The following TMED3 variants were observed in gnomAD, a reference collection of about 807,000 sequenced individuals.
The protein encoded by TMED3 is transmembrane p24 trafficking protein 3.
In TMED3, 9 loss-of-function variants were observed where a neutral mutation model predicts 15.0. The observed-to-expected ratio is 0.60, with a 90% CI of 0.36 to 1.04. The LOEUF is 1.04. Ranked by LOEUF, TMED3 falls within the 50% of genes least tolerant of loss-of-function variation. The pLI is 0.01. For missense variants in TMED3, 267 were observed against 278.9 expected, an observed-to-expected ratio of 0.96 and a Z score of 0.30; for synonymous variants, 117 against 121.4, an observed-to-expected ratio of 0.96 and a Z score of 0.24.
chr15:79,394,945 T>C (rs1021395270), intron 2 of TMED3, among the ~76,000 whole-genome samples: 2 of 152,236 alleles, frequency 1.3e-5, no homozygotes, highest in Non-Finnish European at 1.5e-5. Flanking sequence ...ATACTTTTGA[T>C]ACATGTTATT....
chr15:79,402,630 A>G (rs1284444535), intron 2 of TMED3, among the ~76,000 whole-genome samples: 2 of 151,984 alleles, frequency 1.3e-5, no homozygotes, highest in Non-Finnish European at 2.9e-5. Context: ...CTACAAAAAA[A>G]GAAAAAATTA....
At chr15:79,336,426 G>A (rs538509884) in intron 2 of TMED3, among the ~76,000 whole-genome samples, 6 of 152,318 alleles carry the variant, frequency 3.9e-5, no homozygotes, top group African/African-American at 1.2e-4. Context: ...GGGAGGCCGA[G>A]GTGGGTGGAT....
At chr15:79,335,690 G>T (rs1330628544) in intron 2 of TMED3, among the ~76,000 whole-genome samples, 4 of 152,122 alleles carry the variant, frequency 2.6e-5, no homozygotes, top group East Asian at 1.9e-4. Flanking sequence ...AGACAACTAT[G>T]AACAATCTAG....
At chr15:79,352,920 AAT>A (rs1303959371) in intron 2 of TMED3, among the ~76,000 whole-genome samples, 79 of 100,664 alleles carry the variant, frequency 7.8e-4, no homozygotes, top group African/African-American at 2.9e-3. Context: ...ATATATATAA[AAT>A]ATATATAATA....
At chr15:79,376,240 A>G (rs1174781966) in intron 2 of TMED3, among the ~76,000 whole-genome samples, 6 of 152,158 alleles carry the variant, frequency 3.9e-5, no homozygotes, top group African/African-American at 1.2e-4. Context: ...AAGTTAAAGT[A>G]TAACACTCTG....
At chr15:79,352,839 TATATATAAAATATAC>T (rs1375716028) in intron 2 of TMED3, among the ~76,000 whole-genome samples, 109 of 130,000 alleles carry the variant, frequency 8.4e-4, no homozygotes, top group Non-Finnish European at 1.2e-3. Context: ...TTTATATATA[TATATATAAAATATAC>T]ATATAAAATA....
intron 2 of TMED3, among the ~76,000 whole-genome samples, chr15:79,349,513 T>TA (rs757541356): frequency 3.9e-5 from 6 of 152,032 alleles, no homozygotes; most frequent in Admixed American, 1.3e-4. Context: ...CATTATGCAG[T>TA]AAAAAAACAA....
chr15:79,383,465 A>G (rs1893572298), intron 2 of TMED3: 1 of 169,504 alleles, frequency 5.9e-6, no homozygotes, highest in Non-Finnish European at 1.3e-5. Context: ...GAGCAGAAGA[A>G]TACATTTGAA....
chr15:79,355,642 A>G (rs1350225643), intron 2 of TMED3, among the ~76,000 whole-genome samples: 1 of 152,120 alleles, frequency 6.6e-6, no homozygotes, highest in East Asian at 1.9e-4. Flanking sequence ...CCTCAGCAAA[A>G]GGACAGATTT....
intron 2 of TMED3, among the ~76,000 whole-genome samples, chr15:79,357,859 G>A (rs1174065769): frequency 6.6e-6 from 1 of 152,116 alleles, no homozygotes; most frequent in Non-Finnish European, 1.5e-5. Flanking sequence ...TAATGCATTG[G>A]TTTATACCAT....
chr15:79,384,130 T>C (rs1261160270), intron 2 of TMED3: 8 of 152,192 alleles, frequency 5.3e-5, no homozygotes. Context: ...TTCTCAAACA[T>C]TGGCAAGGTC....
downstream of TMED3, among the ~76,000 whole-genome samples, chr15:79,323,466 CTT>C (rs2058776585): frequency 6.6e-6 from 1 of 152,162 alleles, no homozygotes; most frequent in African/African-American, 2.4e-5. Context: ...TTTCTTTTCT[CTT>C]ATTTTAGAAT....
intron 2 of TMED3, among the ~76,000 whole-genome samples, chr15:79,352,673 A>AAATAT (rs386383572): frequency 1.4e-3 from 193 of 141,748 alleles, no homozygotes; most frequent in African/African-American, 3.6e-3. Context: ...AGAAAAAAAA[A>AAATAT]ATATATATAT....
At chr15:79,325,167 G>A (rs2865228), downstream of TMED3, among the ~76,000 whole-genome samples, 86,484 of 152,018 alleles carry the variant, frequency 0.57, 24,839 homozygotes, top group Middle Eastern at 0.68. Context: ...GAGATTTTCA[G>A]AAATGGTCTA....
At chr15:79,358,627 A>G (rs922256832) in intron 2 of TMED3, among the ~76,000 whole-genome samples, 25 of 152,220 alleles carry the variant, frequency 1.6e-4, no homozygotes, top group African/African-American at 5.8e-4. Flanking sequence ...TCACGGGTCC[A>G]CCCTAGGACC....
At chr15:79,381,505 T>A (rs1197909480) in intron 2 of TMED3, among the ~76,000 whole-genome samples, 1 of 152,232 alleles carries the variant, frequency 6.6e-6, no homozygotes, top group Non-Finnish European at 1.5e-5. Context: ...GTCAAACTCC[T>A]AATTGTTCCT....
chr15:79,323,307 T>C (rs1444130022), downstream of TMED3, among the ~76,000 whole-genome samples: 1 of 152,152 alleles, frequency 6.6e-6, no homozygotes, highest in Non-Finnish European at 1.5e-5. Flanking sequence ...AGGAAACCTA[T>C]CAAATCTGAA....
At chr15:79,335,551 G>C (rs2058824169) in intron 2 of TMED3, among the ~76,000 whole-genome samples, 1 of 152,102 alleles carries the variant, frequency 6.6e-6, no homozygotes, top group Non-Finnish European at 1.5e-5. Context: ...TCAGGGCACA[G>C]AGCACCTTTG....
intron 2 of TMED3, among the ~76,000 whole-genome samples, chr15:79,335,107 C>T (rs2058822616): frequency 6.6e-6 from 1 of 152,176 alleles, no homozygotes; most frequent in African/African-American, 2.4e-5. Context: ...GGATATCCAT[C>T]ATGCAGGTAA....
Sources: gnomAD v4.1 joint callset for allele counts (sites outside exome capture counted in the v4.1 genomes callset) on GRCh38, gnomAD v4.1.1 for gene constraint, MANE v1.5 for transcripts, NCBI Gene and HGNC (gene_info 2026-07-23, HGNC 2026-07-21) for gene names.